Variants in BMPR1B observed in about 807,000 individuals in gnomAD.
The protein encoded by BMPR1B is bone morphogenetic protein receptor type-1B.
In BMPR1B, 12 loss-of-function variants were observed where a neutral mutation model predicts 59.1. The ratio of observed to expected loss-of-function variants is 0.20; its 90% CI spans 0.13 to 0.33. The LOEUF is 0.33. Ranked by LOEUF, BMPR1B falls within the 10% of genes least tolerant of loss-of-function variation. BMPR1B has a pLI of 1.00. For synonymous variants in BMPR1B, 237 were observed against 207.3 expected, an observed-to-expected ratio of 1.14 and a Z score of -1.23; for missense variants, 550 against 610.9, an observed-to-expected ratio of 0.90 and a Z score of 1.05.
chr4:95,116,591 G>T (rs1732082789), intron 6 of BMPR1B, among the ~76,000 whole-genome samples: 1 of 151,508 alleles, frequency 6.6e-6, no homozygotes, highest in African/African-American at 2.4e-5. Flanking sequence ...GGAATTTCAT[G>T]ACTTTGTTTT....
At position 94,844,928 on chromosome 4, in the gene BMPR1B, C is replaced by G. The variant is rs539269949; in HGVS notation, c.-182-30903C>G. On this transcript the variant is annotated intron_variant, in intron 1 of 12. Coordinates refer to ENST00000515059, the MANE Select transcript of BMPR1B (RefSeq NM_001203.3). The stretch of plus-strand genomic sequence containing the variant: ...TAATAGTGGGCCAGACCCTGGCAGC[C>G]AAATATTTTCACCTGGGTCCTTCTT... Among the ~76,000 whole-genome samples the G allele has an allele frequency of 2.0e-5, 3 of 152,224 alleles. No individual in the cohort carries two copies. In the East Asian group the frequency reaches 5.8e-4, roughly 29 times the overall value.
intron 2 of BMPR1B, among the ~76,000 whole-genome samples, chr4:94,898,367 T>C (rs1206437987): frequency 6.6e-6 from 1 of 152,078 alleles, no homozygotes. Context: ...CATCCAAATC[T>C]CATCTTGAAT....
rs1190178382 is a variant in BMPR1B, at chr4:95,053,322, T to TGTGTGTGTGTGA, written c.-17-51085_-17-51084insTGTGTGTGTGAG. Among the ~76,000 whole-genome samples, 6 of 145,822 alleles carry TGTGTGTGTGTGA rather than the reference T, an allele frequency of 4.1e-5. No individual in the cohort carries two copies. The South Asian group carries it at 1.1e-3, about 27-fold the overall frequency. On this transcript the variant is annotated intron_variant, in intron 3 of 12. Transcript: ENST00000515059. ...GTGTGTGTGTGTGTGTGTGTGTGTG[T>TGTGTGTGTGTGA]GATGTGCCTGTACTTAATTTATCTT...
At chr4:94,908,061 TAA>T (rs571793477) in intron 2 of BMPR1B, among the ~76,000 whole-genome samples, 50 of 46,242 alleles carry the variant, frequency 1.1e-3, no homozygotes, top group Non-Finnish European at 1.5e-3. Context: ...ACCCTGTCTT[TAA>T]AAAAAAAAAA....
intron 1 of BMPR1B, among the ~76,000 whole-genome samples, chr4:94,858,165 T>C (rs1038637321): frequency 6.6e-6 from 1 of 152,032 alleles, no homozygotes; most frequent in Non-Finnish European, 1.5e-5. Flanking sequence ...TTAGCCAGGA[T>C]GGTCTCGATC....
At chr4:95,130,604 T>C (rs1019260501) in intron 9 of BMPR1B, among the ~76,000 whole-genome samples, 1 of 152,004 alleles carries the variant, frequency 6.6e-6, no homozygotes, top group Non-Finnish European at 1.5e-5. Context: ...ACCATAGTAG[T>C]TTGTAATACC....
Position 95,152,688 on chromosome 4 carries a change from G to A in BMPR1B, c.1298G>A (p.Ser433Asn), listed in dbSNP as rs1165392388. Residue 433 changes from serine to asparagine, a missense_variant, in exon 12 of 13, where the codon AGT becomes AAT. By Grantham distance (46) the Ser-to-Asn change is conservative. Coordinates refer to ENST00000515059, the MANE Select transcript of BMPR1B (RefSeq NM_001203.3). ...CTTCCTTATCATGACCTAGTGCCCA[G>A]TGACCCCTCTTATGAGGACATGAGG... is the stretch of plus-strand genomic sequence containing the variant. ...YQLPYHDLVP[S>N]DPSYEDMREI... 1 of 1,590,666 alleles carries A rather than the reference G, an allele frequency of 6.3e-7. No individual in the cohort carries two copies. Among genetic ancestry groups the A allele is most frequent in the Non-Finnish European group, 8.6e-7 (1 of 1,167,868 alleles).
intron 1 of BMPR1B, among the ~76,000 whole-genome samples, chr4:94,758,459 C>T (rs1721617493): frequency 1.3e-5 from 2 of 148,910 alleles, no homozygotes; most frequent in Admixed American, 6.6e-5. Flanking sequence ...GACCTGCGAG[C>T]GGAGGGATGG....
intron 2 of BMPR1B, among the ~76,000 whole-genome samples, chr4:94,989,563 G>A (rs1410394979): frequency 6.6e-6 from 1 of 152,012 alleles, no homozygotes; most frequent in South Asian, 2.1e-4. Flanking sequence ...ACCAATATAG[G>A]TATTTATCAT....
At chr4:94,868,019 T>G (rs1251297449) in intron 1 of BMPR1B, among the ~76,000 whole-genome samples, 3 of 48,636 alleles carry the variant, frequency 6.2e-5, no homozygotes, top group Non-Finnish European at 1.3e-4. Context: ...GCCCCGCTAA[T>G]TTTTTTTTTT....
intron 3 of BMPR1B, among the ~76,000 whole-genome samples, chr4:95,004,407 T>G (rs1274064065): frequency 6.6e-6 from 1 of 152,204 alleles, no homozygotes; most frequent in Non-Finnish European, 1.5e-5. Flanking sequence ...CACCTTATAG[T>G]TGATAAGCAG....
intron 1 of BMPR1B, among the ~76,000 whole-genome samples, chr4:94,810,592 A>G (rs532018972): frequency 1.3e-5 from 2 of 152,326 alleles, no homozygotes; most frequent in East Asian, 3.9e-4. Flanking sequence ...AGCAAATGCA[A>G]TTTGATTTAT....
chr4:94,810,514 G>C (rs184689635), intron 1 of BMPR1B, among the ~76,000 whole-genome samples: 1 of 152,228 alleles, frequency 6.6e-6, no homozygotes, highest in East Asian at 1.9e-4. Flanking sequence ...TTGTGTTGTT[G>C]CCCAGAGGAC....
chr4:94,934,096 G>A (rs1176484294), intron 2 of BMPR1B, among the ~76,000 whole-genome samples: 2 of 152,106 alleles, frequency 1.3e-5, no homozygotes, highest in Non-Finnish European at 2.9e-5. Context: ...GTGCACATGT[G>A]TTTGTTTTTG....
At chr4:94,868,975 TA>T (rs1726365974) in intron 1 of BMPR1B, among the ~76,000 whole-genome samples, 1 of 152,142 alleles carries the variant, frequency 6.6e-6, no homozygotes, top group African/African-American at 2.4e-5. Flanking sequence ...ATTCAACAGT[TA>T]AATGTTAGAG....
chr4:94,958,663 C>A (rs191122678), intron 2 of BMPR1B, among the ~76,000 whole-genome samples: 144 of 152,250 alleles, frequency 9.5e-4, no homozygotes, highest in African/African-American at 3.2e-3. Context: ...TCTGAGACTT[C>A]ATCGTATGAA....
chr4:95,070,860 A>G (rs1728228986), intron 3 of BMPR1B, among the ~76,000 whole-genome samples: 1 of 152,222 alleles, frequency 6.6e-6, no homozygotes, highest in Non-Finnish European at 1.5e-5. Flanking sequence ...ACGCCTGAGT[A>G]TCTCTAGAGT....
At chr4:94,840,336 A>G (rs1374592051) in intron 1 of BMPR1B, among the ~76,000 whole-genome samples, 4 of 148,974 alleles carry the variant, frequency 2.7e-5, no homozygotes, top group Non-Finnish European at 3.0e-5. Flanking sequence ...AAGTTCTCCT[A>G]GATAATATCC....
chr4:94,821,975 T>C (rs576138597), intron 1 of BMPR1B, among the ~76,000 whole-genome samples: 21 of 152,300 alleles, frequency 1.4e-4, no homozygotes, highest in Admixed American at 6.5e-4. Context: ...GTTTTGGTGA[T>C]TGTTTATAGT....
Sources: allele counts gnomAD v4.1 joint callset (sites outside exome capture counted in the v4.1 genomes callset), GRCh38; gene constraint gnomAD v4.1.1; transcripts MANE v1.5; gene names NCBI Gene and HGNC (gene_info 2026-07-23, HGNC 2026-07-21).